The following ESRRG variants were observed in gnomAD, a reference collection of about 807,000 sequenced individuals.
ESRRG encodes estrogen-related receptor gamma.
A neutral mutation model predicts 44.0 loss-of-function variants in ESRRG; 13 were observed. The ratio of observed to expected loss-of-function variants is 0.30; its 90% confidence interval spans 0.19 to 0.47. The LOEUF is 0.47. Ranked by LOEUF, ESRRG falls within the 20% of genes least tolerant of loss-of-function variation. ESRRG has a pLI of 1.00. For synonymous variants in ESRRG, 215 were observed against 214.6 expected (o/e 1.00, Z -0.02); for missense variants, 395 against 580.6 (o/e 0.68, Z 3.29).
chr1:216,547,290 T>C (rs542587241), intron 5 of ESRRG, among the ~76,000 whole-genome samples: 1 of 146,292 alleles, frequency 6.8e-6, no homozygotes, highest in Non-Finnish European at 1.5e-5. Context: ...CCAAAATCCA[T>C]TCTGGATTGG....
Position 216,821,698 on chromosome 1 carries a change from A to AAAAT in ESRRG, c.-14+117883_-14+117884insATTT, listed in dbSNP as rs1242520804. On this transcript the variant is annotated intron_variant, in intron 2 of 7. Transcript: ENST00000359162. ...AGAACCTGCCTCAGGAAAAATAAAT[A>AAAAT]AATAAATAAATAAATAAATAAATAA... Among the ~76,000 whole-genome samples, 37 of 97,522 alleles carry AAAAT rather than the reference A, an allele frequency of 3.8e-4. 5 individuals are homozygous for AAAAT. The highest frequency in any genetic ancestry group is 2.1e-3 in the African/African-American group (37 of 17,262). The allele number at this position is 97,522 out of a possible 152,430, so 64.0% of individuals were successfully genotyped here.
rs988461841 is a variant in ESRRG, at chr1:216,561,608, T to C, written c.862+2611A>G. On this transcript the variant is annotated intron_variant, in intron 5 of 6. Transcript: ENST00000408911. ...ATATAGCTGTAGTGTGGTCCTCTAC[T>C]GACCAACCTCCTGAACCCAGGGTAA... Among the ~76,000 whole-genome samples the C allele has an allele frequency of 2.6e-5, 4 of 152,170 alleles. No homozygotes were observed. The East Asian group carries it at 7.7e-4, about 29-fold the overall frequency.
rs1051153290 is a variant in ESRRG at position 216,505,045 on chromosome 1, A to G, written c.*1894T>C. 4 of 152,780 alleles carry G rather than the reference A, an allele frequency of 2.6e-5. No individual in the cohort carries two copies. Among genetic ancestry groups the G allele is most frequent in the Non-Finnish European group, 4.4e-5 (3 of 68,032 alleles). 9.5% of individuals were successfully genotyped at this position (152,780 alleles called of 1,614,324 possible). A position where few individuals can be genotyped will look rare whatever the true frequency, so the allele number is the denominator to read the frequency against. ...TCTTTGAATGCAACATAAAATTCAG[A>G]AAAGCACAGCAAACATGAAACATTG... On this transcript the variant is annotated 3_prime_UTR_variant, in exon 7 of 7. Coordinates refer to ENST00000408911, the MANE Select transcript of ESRRG (RefSeq NM_001438.4).
At chr1:216,782,637 T>C (rs1016776992) in intron 2 of ESRRG, among the ~76,000 whole-genome samples, 2 of 152,056 alleles carry the variant, frequency 1.3e-5, no homozygotes, top group Non-Finnish European at 2.9e-5. Context: ...ACTAGTTCTT[T>C]ATTTAAAAGA....
intron 1 of ESRRG, among the ~76,000 whole-genome samples, chr1:217,115,631 G>T (rs1209887233): frequency 6.6e-6 from 1 of 152,012 alleles, no homozygotes. Context: ...CTTCTGTAAG[G>T]TTAGCTTCCT....
intron 1 of ESRRG, among the ~76,000 whole-genome samples, chr1:217,127,874 T>C (rs981087096): frequency 2.6e-5 from 4 of 152,324 alleles, no homozygotes; most frequent in East Asian, 3.9e-4. Context: ...TAAATAAATA[T>C]GTCTCATATG....
chr1:216,875,508 C>T lies in ESRRG; in HGVS notation c.-14+64074G>A, dbSNP rs1342850744. Among the ~76,000 whole-genome samples, 5 of 152,054 alleles carry T rather than the reference C, an allele frequency of 3.3e-5. No individual in the cohort carries two copies. In the East Asian group the frequency reaches 5.8e-4, roughly 18 times the overall value. On this transcript the variant is annotated intron_variant, in intron 2 of 7. Coordinates refer to the ESRRG transcript ENST00000359162. Reference sequence around the variant, plus strand: ...TTCATATGAATAGAAACCTACAGAACGCATGTTATATGTTTAGCTTCTTCT... The same window carrying T: ...TTCATATGAATAGAAACCTACAGAATGCATGTTATATGTTTAGCTTCTTCT...
chr1:216,669,026 A>G (rs1157618187), intron 2 of ESRRG, among the ~76,000 whole-genome samples: 1 of 152,194 alleles, frequency 6.6e-6, no homozygotes, highest in Non-Finnish European at 1.5e-5. Context: ...ACTACGACCA[A>G]CAGGTCAAAT....
intron 2 of ESRRG, among the ~76,000 whole-genome samples, chr1:216,883,386 G>GAAAAA (rs11318094): frequency 5.3e-5 from 4 of 75,876 alleles, no homozygotes; most frequent in African/African-American, 1.7e-4. Context: ...ACTTCTCTGA[G>GAAAAA]AAAAAAAAAA....
intron 1 of ESRRG, among the ~76,000 whole-genome samples, chr1:216,940,977 C>T (rs951090360): frequency 6.6e-6 from 1 of 152,002 alleles, no homozygotes; most frequent in African/African-American, 2.4e-5. Context: ...GACAAGAGAA[C>T]GAGGAGGTTT....
chr1:216,892,383 G>A (rs2057916102), intron 2 of ESRRG, among the ~76,000 whole-genome samples: 2 of 152,100 alleles, frequency 1.3e-5, no homozygotes, highest in South Asian at 2.1e-4. Flanking sequence ...GGTCCCTGGA[G>A]CCCTAGATTT....
chr1:216,526,347 G>A (rs1195560359), intron 5 of ESRRG, among the ~76,000 whole-genome samples: 2 of 152,106 alleles, frequency 1.3e-5, no homozygotes, highest in Non-Finnish European at 2.9e-5. Context: ...TAATATGACT[G>A]TATCTTCATA....
At chr1:217,133,497 A>T (rs1580660057) in intron 1 of ESRRG, among the ~76,000 whole-genome samples, 1 of 152,196 alleles carries the variant, frequency 6.6e-6, no homozygotes, top group African/African-American at 2.4e-5. Context: ...GGGGTATCTA[A>T]ATGTGTCTGA....
chr1:216,991,629 G>C lies in ESRRG; in HGVS notation c.-105-51956C>G, dbSNP rs1270761707. On this transcript the variant is annotated intron_variant, in intron 1 of 7. Transcript: ENST00000359162. ...GATGGGATGGGATAGGATGGGATGG[G>C]ATGGGATGGGATGGGATGGGATGGG... Among the ~76,000 whole-genome samples the C allele has an allele frequency of 2.2e-3, 139 of 64,028 alleles. 3 individuals carry two copies. The East Asian group carries it at 0.1, about 48-fold the overall frequency. 42.0% of individuals were successfully genotyped at this position (64,028 alleles called of 152,430 possible).
At chr1:216,555,289 C>T (rs2057296760) in intron 5 of ESRRG, among the ~76,000 whole-genome samples, 2 of 152,152 alleles carry the variant, frequency 1.3e-5, no homozygotes. Context: ...GTGGAAAAAG[C>T]CCTATCCTTT....
At chr1:216,847,240 C>T (rs1432888382) in intron 2 of ESRRG, among the ~76,000 whole-genome samples, 1 of 151,922 alleles carries the variant, frequency 6.6e-6, no homozygotes. Flanking sequence ...TATAAATGAC[C>T]CCTATCTAAA....
chr1:216,779,699 G>T (rs2147850466), intron 2 of ESRRG, among the ~76,000 whole-genome samples: 1 of 148,044 alleles, frequency 6.8e-6, no homozygotes, highest in African/African-American at 2.5e-5. Context: ...AGCACTTCTT[G>T]CTAACAATTT....
chr1:216,735,487 C>T (rs1044740153), intron 2 of ESRRG, among the ~76,000 whole-genome samples: 17 of 152,156 alleles, frequency 1.1e-4, no homozygotes, highest in Middle Eastern at 3.4e-3. Flanking sequence ...GGATTACAGG[C>T]GTGAGCCACC....
At chr1:216,712,387 A>AT (rs920539416) in intron 1 of ESRRG, among the ~76,000 whole-genome samples, 1 of 152,016 alleles carries the variant, frequency 6.6e-6, no homozygotes, top group African/African-American at 2.4e-5. Context: ...GACATGGATA[A>AT]TTTTTTTTCC....
Sources: gnomAD v4.1 joint callset for allele counts (sites outside exome capture counted in the v4.1 genomes callset) on GRCh38, gnomAD v4.1.1 for gene constraint, MANE v1.5 for transcripts, NCBI Gene and HGNC (gene_info 2026-07-23, HGNC 2026-07-21) for gene names.